The following ANKRD36 variants were observed in gnomAD, a reference collection of about 807,000 sequenced individuals.
ANKRD36 encodes ankyrin repeat domain 36.
ANKRD36 carries 179 observed loss-of-function variants against 278.1 expected under a neutral mutation model. That is an observed-to-expected ratio of 0.64 (90% CI 0.57 to 0.73). The LOEUF (loss-of-function observed/expected upper bound fraction) is 0.73. ANKRD36 is among the 30% of genes least tolerant of loss of function. ANKRD36 has a pLI of 0.00. For missense variants in ANKRD36, 1,159 were observed against 1,956.7 expected (o/e 0.59, Z 7.69); for synonymous variants, 320 against 641.1 (o/e 0.50, Z 7.57).
chr2:97,195,117 C>T (rs561681471), intron 40 of ANKRD36, among the ~76,000 whole-genome samples, 200 bp downstream of exon 40: 1 of 152,068 alleles, frequency 6.6e-6, no homozygotes, highest in East Asian at 2.0e-4. Context: ...TACGCATCCC[C>T]ACATTACAAT....
intron 68 of ANKRD36, among the ~76,000 whole-genome samples, chr2:97,235,242 T>A (rs2073358529): frequency 6.6e-6 from 1 of 151,624 alleles, no homozygotes; most frequent in South Asian, 2.1e-4. Context: ...GACAGCCAAT[T>A]GTTCCAACAC....
In ANKRD36 at chr2:97,145,862, A is replaced by T. The variant is rs2044109919; in HGVS notation, c.1004-624A>T. On this transcript the variant is annotated intron_variant, in intron 10 of 75. Transcript: ENST00000420699. ...AATAGGATTCACCAAACATATATCC[A>T]AGCTGACCAATTCAGAACACTTCCA... 2.0e-5 allele frequency among the ~76,000 whole-genome samples: 3 copies of T among 152,068 alleles called. No individual in the cohort carries two copies. The South Asian group carries it at 6.2e-4, about 32-fold the overall frequency.
chr2:97,123,785 A>T (rs1164046948), intron 4 of ANKRD36, among the ~76,000 whole-genome samples: 1 of 147,082 alleles, frequency 6.8e-6, no homozygotes, highest in African/African-American at 2.5e-5. Context: ...TAATATATAC[A>T]ATATATACTT....
In ANKRD36 at chr2:97,113,386, A is replaced by G; in HGVS notation, c.-354A>G. 3.2e-6 allele frequency: 1 copy of G among 315,054 alleles called. No individual in the cohort carries two copies. The highest frequency in any genetic ancestry group is 5.9e-6 in the Non-Finnish European group (1 of 169,918). The allele number at this position is 315,054 out of a possible 1,614,324, so 19.5% of individuals were successfully genotyped here. On this transcript the variant is annotated 5_prime_UTR_variant, in exon 1 of 76. Transcript: ENST00000420699. ...ACTCCGAGCGTCGGGAGCCTGTGGA[A>G]GAGAAGAGCGCGCGGGCGACAGTTA...
At chr2:97,130,660 G>GA (rs2039913188) in intron 6 of ANKRD36, among the ~76,000 whole-genome samples, 1 of 151,644 alleles carries the variant, frequency 6.6e-6, no homozygotes, top group East Asian at 1.9e-4. Flanking sequence ...ATGTCATGGA[G>GA]AAAAATATAA....
intron 42 of ANKRD36, among the ~76,000 whole-genome samples, chr2:97,197,388 T>C (rs1372650060): frequency 6.6e-6 from 1 of 151,974 alleles, no homozygotes; most frequent in Non-Finnish European, 1.5e-5. Flanking sequence ...CAGGAACTGC[T>C]GGAAGAAGGA....
chr2:97,207,997 A>G lies in ANKRD36; in HGVS notation c.3256A>G (p.Thr1086Ala), dbSNP rs747991887. 6.7e-7 allele frequency: 1 copy of G among 1,502,014 alleles called. No individual in the cohort carries two copies. Among genetic ancestry groups the G allele is most frequent in the Admixed American group, 2.1e-5 (1 of 48,540 alleles). The allele number at this position is 1,502,014 out of a possible 1,614,324, so 93.0% of individuals were successfully genotyped here. A position where few individuals can be genotyped will look rare whatever the true frequency, so the allele number is the denominator to read the frequency against. ...IARGKKYGEK[T>A]KRVSSRKKPA... Reference sequence around the variant, plus strand: ...CAGAGGAAAAAAGTATGGAGAAAAAACTAAGAGAGGTAATTTTGAAAAGAG... The same window carrying G: ...CAGAGGAAAAAAGTATGGAGAAAAAGCTAAGAGAGGTAATTTTGAAAAGAG... Residue 1086 changes from threonine (T) to alanine (A), a missense_variant, in exon 54 of 76, where the codon ACT becomes GCT. Coordinates refer to ENST00000420699, the MANE Select transcript of ANKRD36 (RefSeq NM_001354587.1).
chr2:97,166,108 A>G (rs2050584927), intron 20 of ANKRD36, among the ~76,000 whole-genome samples: 1 of 151,508 alleles, frequency 6.6e-6, no homozygotes, highest in African/African-American at 2.4e-5. Context: ...ACCATAAATT[A>G]GCTTCACAAA....
In ANKRD36 at chr2:97,120,832, A is replaced by G. The variant is rs575559495; in HGVS notation, c.487-2055A>G. ...CCATACATGTGTTTAGTTTGTGTCT[A>G]CAAATTGTCTCAACATGGAAGGTTT... is the stretch of plus-strand genomic sequence containing the variant. On this transcript the variant is annotated intron_variant, in intron 3 of 75. Coordinates refer to ENST00000420699, the MANE Select transcript of ANKRD36 (RefSeq NM_001354587.1). Among the ~76,000 whole-genome samples the G allele has an allele frequency of 7.6e-4, 115 of 152,258 alleles. 5 individuals carry two copies. In the South Asian group the frequency reaches 0.023, roughly 30 times the overall value.
In ANKRD36 at chr2:97,124,358, G is replaced by A. The variant is rs528022965; in HGVS notation, c.594-102G>A. ...GCTTGTTTCTTAGTACATGTAATTG[G>A]GTTAATTCTACATGGACAGGCAACA... On this transcript the variant is annotated intron_variant, in intron 4 of 75. Transcript: ENST00000420699. 3.9e-5 allele frequency: 55 copies of A among 1,401,662 alleles called. No homozygotes were observed. The African/African-American group carries it at 7.5e-4, about 19-fold the overall frequency. 86.8% of individuals were successfully genotyped at this position (1,401,662 alleles called of 1,614,324 possible).
intron 3 of ANKRD36, among the ~76,000 whole-genome samples, chr2:97,121,108 C>T (rs1305202906): frequency 1.3e-5 from 2 of 151,990 alleles, no homozygotes; most frequent in Non-Finnish European, 2.9e-5. Flanking sequence ...GTTTTTAAGA[C>T]ATTTTATATT....
intron 48 of ANKRD36, 80 bp downstream of exon 48, chr2:97,202,473 G>T: frequency 3.3e-6 from 5 of 1,523,074 alleles, no homozygotes; most frequent in Non-Finnish European, 4.4e-6. Context: ...TCAGCGGGGG[G>T]CTCGTCGAAG....
At chr2:97,185,873 A>G (rs1266183784) in intron 30 of ANKRD36, among the ~76,000 whole-genome samples, 1 of 151,858 alleles carries the variant, frequency 6.6e-6, no homozygotes, top group African/African-American at 2.4e-5. Flanking sequence ...TCTTATTGCT[A>G]AAAACAGATG....
At position 97,261,488 on chromosome 2, in the gene ANKRD36, C is replaced by G. The variant is rs1441359786; in HGVS notation, c.*7-2841C>G. Reference sequence around the variant, plus strand: ...TGGTTAGTGCCCAAGGAACTGTTTTCTTAAGAACTCTGCTCTGTGAGTCGA... The same window carrying G: ...TGGTTAGTGCCCAAGGAACTGTTTTGTTAAGAACTCTGCTCTGTGAGTCGA... On this transcript the variant is annotated intron_variant, in intron 75 of 75. Transcript: ENST00000420699. 3.8e-5 allele frequency among the ~76,000 whole-genome samples: 5 copies of G among 132,692 alleles called. 2 individuals carry two copies. In the East Asian group the frequency reaches 1.8e-3, roughly 47 times the overall value. The allele number at this position is 132,692 out of a possible 152,430, so 87.1% of individuals were successfully genotyped here.
chr2:97,190,518 G>C (rs1484469616), intron 34 of ANKRD36, among the ~76,000 whole-genome samples: 1 of 151,524 alleles, frequency 6.6e-6, no homozygotes, highest in Non-Finnish European at 1.5e-5. Flanking sequence ...CATGGTAATT[G>C]TGTGCCTTCT....
rs1481090015 is a variant in ANKRD36, at chr2:97,259,065, G to GT, written c.*7-5259dup. Reference sequence around the variant, plus strand: ...GCATTTGTTATTCTTTTTTGTTGTTGTTTTTCCCCGATGGAATCATTTCAA... The same window carrying GT: ...GCATTTGTTATTCTTTTTTGTTGTTGTTTTTTCCCCGATGGAATCATTTCAA... On this transcript the variant is annotated intron_variant, in intron 75 of 75. Coordinates refer to ENST00000420699, the MANE Select transcript of ANKRD36 (RefSeq NM_001354587.1). 2.8e-5 allele frequency among the ~76,000 whole-genome samples: 4 copies of GT among 140,794 alleles called. No homozygotes were observed. In the East Asian group the frequency reaches 1.2e-3, roughly 43 times the overall value. The allele number at this position is 140,794 out of a possible 152,430, so 92.4% of individuals were successfully genotyped here.
rs1438770454 is a variant in ANKRD36, at chr2:97,226,944, G to A, written c.3951+2065G>A. ...AAAGATCAGATAGTTGTAGATATGC[G>A]GCGTTATTTCTGATGGCTCTGTTCT... On this transcript the variant is annotated intron_variant, in intron 67 of 75. Coordinates refer to ENST00000420699, the MANE Select transcript of ANKRD36 (RefSeq NM_001354587.1). Among the ~76,000 whole-genome samples, 25 of 152,086 alleles carry A rather than the reference G, an allele frequency of 1.6e-4. 3 individuals are homozygous for A. Among genetic ancestry groups the A allele is most frequent in the Admixed American group, 5.9e-4 (9 of 15,280 alleles).
chr2:97,134,433 T>G (rs1248018904), intron 6 of ANKRD36, among the ~76,000 whole-genome samples: 1 of 152,136 alleles, frequency 6.6e-6, no homozygotes, highest in Non-Finnish European at 1.5e-5. Context: ...AGGGACAATC[T>G]CAAGACGTTG....
chr2:97,145,946 G>A (rs2044128322), intron 10 of ANKRD36, among the ~76,000 whole-genome samples: 1 of 152,056 alleles, frequency 6.6e-6, no homozygotes, highest in African/African-American at 2.4e-5. Context: ...GTACCTGCTG[G>A]ATTGTCCGGC....
Sources: gnomAD v4.1 joint callset for allele counts (sites outside exome capture counted in the v4.1 genomes callset) on GRCh38, gnomAD v4.1.1 for gene constraint, MANE v1.5 for transcripts, NCBI Gene and HGNC (gene_info 2026-07-23, HGNC 2026-07-21) for gene names.